Variants in AKAP8 observed in about 807,000 individuals in gnomAD.
The protein encoded by AKAP8 is A-kinase anchoring protein 8, also known as A-kinase anchor protein 8.
A neutral mutation model predicts 67.5 loss-of-function variants in AKAP8; 24 were observed. The observed-to-expected ratio is 0.36, with a 90% CI of 0.26 to 0.50. The LOEUF (loss-of-function observed/expected upper bound fraction) is 0.50, where lower values mean the gene tolerates loss of function less well. Ranked by LOEUF, AKAP8 falls within the 20% of genes least tolerant of loss-of-function variation. The probability of loss-of-function intolerance (pLI) is 0.97; values close to 1 mark genes in which losing one functional copy is unlikely to be tolerated. For synonymous variants in AKAP8, 400 were observed against 371.1 expected (o/e 1.08, Z -0.90); for missense variants, 971 against 955.9 (o/e 1.02, Z -0.21).
rs373189435 is a variant in AKAP8 at position 15,370,134 on chromosome 19, G to A, written c.1072+12C>T. ...GACACAGGAAAGCTGCAAGGGACAC[G>A]GTGATGCCTACCTCTTTGCCTCCCA... On this transcript the variant is annotated intron_variant, in intron 8 of 13. Transcript: ENST00000269701. 32 of 1,613,978 alleles carry A rather than the reference G, an allele frequency of 2.0e-5. 1 individual carries two copies. In the South Asian group the frequency reaches 2.4e-4, roughly 12 times the overall value.
rs1018369444 is a variant in AKAP8 at position 15,353,989 on chromosome 19, C to T, written c.*926G>A. On this transcript the variant is annotated 3_prime_UTR_variant, in exon 14 of 14. Coordinates refer to ENST00000269701, the MANE Select transcript of AKAP8 (RefSeq NM_005858.4). ...CTATGGCAATTTATGTTGGATTATTCCACCTATGGCAATCACATCAAGTTT... is the reference window on the plus strand; with the variant it reads ...CTATGGCAATTTATGTTGGATTATTTCACCTATGGCAATCACATCAAGTTT... The T allele has an allele frequency of 2.6e-5, 4 of 151,010 alleles. No homozygotes were observed. The highest frequency in any genetic ancestry group is 1.3e-4 in the Admixed American group (2 of 15,072). The allele number at this position is 151,010 out of a possible 1,614,324, so 9.4% of individuals were successfully genotyped here. A position where few individuals can be genotyped will look rare whatever the true frequency, so the allele number is the denominator to read the frequency against.
chr19:15,368,947 G>A (rs776127191), intron 8 of AKAP8: 38 of 985,872 alleles, frequency 3.9e-5, no homozygotes, highest in Middle Eastern at 5.2e-4. Context: ...TGGTCCTCCC[G>A]TCCGTCCCCC....
intron 1 of AKAP8, among the ~76,000 whole-genome samples, chr19:15,377,744 A>C (rs1967278326): frequency 6.6e-6 from 1 of 152,148 alleles, no homozygotes; most frequent in African/African-American, 2.4e-5. Context: ...CTGGGATTAC[A>C]GGCGTGAGTC....
chr19:15,360,131 G>GT (rs538911146), intron 12 of AKAP8, among the ~76,000 whole-genome samples: 384 of 150,680 alleles, frequency 2.5e-3, no homozygotes, highest in African/African-American at 8.2e-3. Context: ...GTGAAACTCC[G>GT]TAAAAAAAAA....
rs966961433 is a variant in AKAP8, at chr19:15,374,596, G to A, written c.91+7C>T. The stretch of plus-strand genomic sequence containing the variant: ...CGCCCACAGACCCCCCCCACAGAAG[G>A]GCTTACCTTGCCAGCTGGCCACACC... On this transcript the variant is annotated splice_region_variant and intron_variant, in intron 3 of 13. Transcript: ENST00000269701. 9.3e-6 allele frequency: 15 copies of A among 1,612,994 alleles called. No homozygotes were observed. In the Admixed American group the frequency reaches 1.2e-4, roughly 13 times the overall value.
chr19:15,362,151 T>C lies in AKAP8; in HGVS notation c.1261A>G (p.Ile421Val). ...GTCTTGTCGGGCAGCTTGGTGCTTA[T>C]GAACCGCAGGGTCTCTTTGTGAAAT... is the stretch of plus-strand genomic sequence containing the variant. ...SKFHKETLRF[I>V]STKLPDKTVE... The change falls in exon 10 of 14, where the codon ATA becomes GTA. Residue 421 changes from isoleucine (I) to valine (V), a missense_variant. Around this residue, in one of 3 missense-constraint regions of AKAP8, gnomAD observed 763 missense variants for 745.4 expected, o/e 1.02. Transcript: ENST00000269701. 6.2e-7 allele frequency: 1 copy of C among 1,614,176 alleles called. No individual in the cohort carries two copies. The highest frequency in any genetic ancestry group is 8.5e-7 in the Non-Finnish European group (1 of 1,180,020).
intron 13 of AKAP8, among the ~76,000 whole-genome samples, chr19:15,356,607 C>T (rs1367114746): frequency 6.6e-6 from 1 of 151,942 alleles, no homozygotes; most frequent in Non-Finnish European, 1.5e-5. Flanking sequence ...AAATCCAAGT[C>T]TGACTCCCTC....
chr19:15,362,514 C>T (rs1349970489), intron 9 of AKAP8, among the ~76,000 whole-genome samples: 2 of 151,804 alleles, frequency 1.3e-5, no homozygotes, highest in Non-Finnish European at 2.9e-5. Flanking sequence ...CGCGCCGCCA[C>T]GCCTGACTGG....
At chr19:15,362,549 G>A (rs1435446698) in intron 9 of AKAP8, among the ~76,000 whole-genome samples, 3 of 149,742 alleles carry the variant, frequency 2.0e-5, no homozygotes, top group African/African-American at 4.9e-5. Flanking sequence ...TGGTGGAGAC[G>A]GGGTTTCGCT....
chr19:15,363,010 G>GC (rs1261530982), intron 9 of AKAP8, among the ~76,000 whole-genome samples: 1 of 149,886 alleles, frequency 6.7e-6, no homozygotes, highest in East Asian at 2.0e-4. Flanking sequence ...CTGCCCTGCC[G>GC]CCCCGTCCGG....
Position 15,373,180 on chromosome 19 carries a change from G to A in AKAP8, c.532C>T (p.Arg178Trp), listed in dbSNP as rs201218309. The A allele has an allele frequency of 1.0e-4, 163 of 1,613,522 alleles. No homozygotes were observed. The highest frequency in any genetic ancestry group is 1.3e-4 in the Non-Finnish European group (149 of 1,180,002). Residue 178 changes from arginine to tryptophan, a missense_variant, in exon 5 of 14, where the codon CGG (arginine) becomes TGG (tryptophan). This residue lies in a region of AKAP8 where 763 missense variants were observed against 745.4 expected (regional missense o/e 1.02). Transcript: ENST00000269701. ...GQYSECRDPA[R>W]ERGSLDGFMR... ...AAGCCATCAAGGGAGCCCCGCTCCC[G>A]GGCTGGGTCTCGGCATTCACTGTAC...
At chr19:15,364,719 C>T (rs551362746) in intron 9 of AKAP8, among the ~76,000 whole-genome samples, 12 of 151,658 alleles carry the variant, frequency 7.9e-5, no homozygotes, top group Non-Finnish European at 1.2e-4. Flanking sequence ...GAACTCCTGA[C>T]CTCAGGTGAT....
chr19:15,365,892 G>A (rs949432361), intron 9 of AKAP8, among the ~76,000 whole-genome samples: 7 of 151,902 alleles, frequency 4.6e-5, no homozygotes, highest in Non-Finnish European at 7.4e-5. Context: ...GTGTGGTGGC[G>A]GGCGCCTGTA....
intron 9 of AKAP8, among the ~76,000 whole-genome samples, chr19:15,367,478 A>T (rs1203876588): frequency 6.6e-6 from 1 of 152,158 alleles, no homozygotes; most frequent in Non-Finnish European, 1.5e-5. Context: ...TAGTGAGCCG[A>T]GATTATGCTA....
rs1409813268 is a variant in AKAP8 at position 15,355,100 on chromosome 19, C to T, written c.1894G>A (p.Gly632Arg). ...GGGACGCCCTTCTCATGTGCCGTTCCACAGGGCACCTGCTCTTCCAGCAGC... is the reference window on the plus strand; with the variant it reads ...GGGACGCCCTTCTCATGTGCCGTTCTACAGGGCACCTGCTCTTCCAGCAGC... ...EQLLEEQVPC[G>R]TAHEKGVPKA... Residue 632 changes from glycine (G) to arginine (R), a missense_variant, in exon 14 of 14, where the codon GGA becomes AGA. Around this residue, in one of 3 missense-constraint regions of AKAP8, gnomAD observed 204 missense variants for 193.0 expected, o/e 1.06. Transcript: ENST00000269701. 1 of 1,613,868 alleles carries T rather than the reference C, an allele frequency of 6.2e-7. No individual in the cohort carries two copies. Among genetic ancestry groups the T allele is most frequent in the East Asian group, 2.2e-5 (1 of 44,882 alleles).
chr19:15,378,202 A>T (rs960254698), intron 1 of AKAP8, among the ~76,000 whole-genome samples: 8 of 152,182 alleles, frequency 5.3e-5, no homozygotes, highest in Non-Finnish European at 1.0e-4. Flanking sequence ...GCCCTCTGCT[A>T]TGCTACGCCT....
At chr19:15,363,355 G>T (rs1403332122) in intron 9 of AKAP8, among the ~76,000 whole-genome samples, 2 of 130,484 alleles carry the variant, frequency 1.5e-5, no homozygotes, top group Non-Finnish European at 3.4e-5. Flanking sequence ...GAGGGAGGTG[G>T]GGGGGGGTCA....
At chr19:15,368,180 C>T (rs575900517) in intron 9 of AKAP8, 55 bp downstream of exon 9, 62 of 1,598,788 alleles carry the variant, frequency 3.9e-5, no homozygotes, top group Admixed American at 3.7e-4. Context: ...AGCTCGGCAG[C>T]GCCTCCACCG....
Position 15,354,685 on chromosome 19 carries a change from AC to A in AKAP8, c.*229del, listed in dbSNP as rs2048265370. The A allele has an allele frequency of 1.7e-6, 1 of 574,612 alleles. No individual in the cohort carries two copies. The highest frequency in any genetic ancestry group is 3.1e-6 in the Non-Finnish European group (1 of 323,502). The allele number at this position is 574,612 out of a possible 1,614,324, so 35.6% of individuals were successfully genotyped here. On this transcript the variant is annotated 3_prime_UTR_variant, in exon 14 of 14. Coordinates refer to ENST00000269701, the MANE Select transcript of AKAP8 (RefSeq NM_005858.4). ...GTGCACTACTGTCAAGAGACATGTT[AC>A]AGCCGCTAAGGACAATGTACTTCAG...
Sources: gnomAD v4.1 joint callset for allele counts (sites outside exome capture counted in the v4.1 genomes callset) on GRCh38, gnomAD v4.1.1 for gene constraint, gnomAD v4.1.1 regional missense constraint, MANE v1.5 for transcripts, NCBI Gene and HGNC (gene_info 2026-07-23, HGNC 2026-07-21) for gene names.